Variants in CYP2C19 observed in about 807,000 individuals in gnomAD.
CYP2C19 encodes cytochrome P450 2C19.
CYP2C19 carries 59 observed loss-of-function variants against 40.9 expected under a neutral mutation model. That is an observed-to-expected ratio of 1.44 (90% CI 1.17 to 1.79). The LOEUF (loss-of-function observed/expected upper bound fraction) is 1.79, where lower values mean the gene tolerates loss of function less well. CYP2C19 is among the 40% of genes most tolerant of loss of function. The probability of loss-of-function intolerance (pLI) is 0.00; values close to 1 mark genes in which losing one functional copy is unlikely to be tolerated. For missense variants in CYP2C19, 754 were observed against 596.9 expected (o/e 1.26, Z -2.74); for synonymous variants, 253 against 208.7 (o/e 1.21, Z -1.83).
intron 6 of CYP2C19, among the ~76,000 whole-genome samples, chr10:94,826,205 G>A (rs902929620): frequency 6.6e-6 from 1 of 151,992 alleles, no homozygotes; most frequent in Non-Finnish European, 1.5e-5. Flanking sequence ...AAAGTCATTG[G>A]TAGCTTGATG....
chr10:94,843,612 T>C (rs544219782), intron 7 of CYP2C19, among the ~76,000 whole-genome samples: 3 of 152,352 alleles, frequency 2.0e-5, no homozygotes, highest in Admixed American at 2.0e-4. Context: ...CTGATGACCT[T>C]AATCTATCAA....
chr10:94,830,663 G>C (rs1207052721), intron 6 of CYP2C19, among the ~76,000 whole-genome samples: 1 of 152,056 alleles, frequency 6.6e-6, no homozygotes, highest in East Asian at 1.9e-4. Flanking sequence ...TTCCTATTCA[G>C]CCATCTTTGC....
chr10:94,784,129 G>C (rs371038548), intron 5 of CYP2C19, among the ~76,000 whole-genome samples: 11 of 152,084 alleles, frequency 7.2e-5, no homozygotes, highest in African/African-American at 2.4e-4. Flanking sequence ...TGCGTGTTAT[G>C]GATATATAAA....
chr10:94,829,981 A>T (rs572917181), intron 6 of CYP2C19, among the ~76,000 whole-genome samples: 193 of 152,350 alleles, frequency 1.3e-3, no homozygotes, highest in African/African-American at 4.5e-3. Flanking sequence ...GTCAGGGGTC[A>T]GGGACCCACT....
At chr10:94,766,281 A>G (rs1228659079) in intron 1 of CYP2C19, among the ~76,000 whole-genome samples, 1 of 134,062 alleles carries the variant, frequency 7.5e-6, no homozygotes, top group African/African-American at 3.1e-5. Flanking sequence ...GATAATTAGG[A>G]GCTAGTGGAA....
At chr10:94,807,871 C>A (rs370078727) in intron 5 of CYP2C19, among the ~76,000 whole-genome samples, 2 of 151,808 alleles carry the variant, frequency 1.3e-5, no homozygotes, top group East Asian at 3.9e-4. Flanking sequence ...TTTTCTTTGC[C>A]CTGCAGAAGT....
At chr10:94,764,493 T>C (rs963461928) in intron 1 of CYP2C19, among the ~76,000 whole-genome samples, 1 of 152,164 alleles carries the variant, frequency 6.6e-6, no homozygotes, top group Non-Finnish European at 1.5e-5. Flanking sequence ...AGTCCCTACC[T>C]GACCCAGAAG....
intron 5 of CYP2C19, among the ~76,000 whole-genome samples, chr10:94,816,000 T>G (rs998085003): frequency 1.3e-5 from 2 of 152,194 alleles, no homozygotes; most frequent in Non-Finnish European, 2.9e-5. Context: ...TAATAGTAAC[T>G]TTAACAGAAA....
intron 6 of CYP2C19, among the ~76,000 whole-genome samples, chr10:94,840,229 T>C (rs1849471350): frequency 7.5e-6 from 1 of 133,166 alleles, no homozygotes. Flanking sequence ...TGGGGCACAC[T>C]TTTTTTTTTT....
chr10:94,854,741 C>T lies in CYP2C19; in HGVS notation c.*1827C>T, dbSNP rs1293063632. On this transcript the variant is annotated 3_prime_UTR_variant, in exon 9 of 9. Transcript: ENST00000371321. ...AAATGTTTATTTACAATATTGGGCTCATATCACACATCTTGTATTAAAACT... is the reference window on the plus strand; with the variant it reads ...AAATGTTTATTTACAATATTGGGCTTATATCACACATCTTGTATTAAAACT... Among the ~76,000 whole-genome samples, 2 of 152,048 alleles carry T rather than the reference C, an allele frequency of 1.3e-5. No homozygotes were observed. Among genetic ancestry groups the T allele is most frequent in the African/African-American group, 4.8e-5 (2 of 41,384 alleles).
intron 5 of CYP2C19, among the ~76,000 whole-genome samples, chr10:94,796,014 T>A (rs762410395): frequency 1.3e-5 from 2 of 152,222 alleles, no homozygotes; most frequent in African/African-American, 4.8e-5. Context: ...TAGATCCCAT[T>A]TGTCAATTTT....
chr10:94,849,575 C>G (rs1425222367), intron 7 of CYP2C19, among the ~76,000 whole-genome samples: 1 of 150,954 alleles, frequency 6.6e-6, no homozygotes, highest in African/African-American at 2.4e-5. Flanking sequence ...TGGTGTGCTG[C>G]ACCCATTAAC....
In CYP2C19 at chr10:94,853,124, GC is replaced by G; in HGVS notation, c.*212del. ...ATACTCTATAATAGTTACATTGAGT[GC>G]CACATAATGCTGATACTTGTCTAAT... is the stretch of plus-strand genomic sequence containing the variant. On this transcript the variant is annotated 3_prime_UTR_variant, in exon 9 of 9. Coordinates refer to ENST00000371321, the MANE Select transcript of CYP2C19 (RefSeq NM_000769.4). The G allele has an allele frequency of 1.8e-6, 1 of 567,454 alleles. No homozygotes were observed. Among genetic ancestry groups the G allele is most frequent in the South Asian group, 2.3e-5 (1 of 42,608 alleles). 35.2% of individuals were successfully genotyped at this position (567,454 alleles called of 1,614,324 possible).
intron 3 of CYP2C19, among the ~76,000 whole-genome samples, chr10:94,778,871 C>G (rs1848445352): frequency 2.0e-5 from 3 of 152,134 alleles, no homozygotes; most frequent in African/African-American, 7.2e-5. Context: ...CCCAAATGCC[C>G]ATCAATGACA....
rs537780590 is a variant in CYP2C19, at chr10:94,854,708, A to G, written c.*1794A>G. On this transcript the variant is annotated 3_prime_UTR_variant, in exon 9 of 9. Coordinates refer to ENST00000371321, the MANE Select transcript of CYP2C19 (RefSeq NM_000769.4). Reference sequence around the variant, plus strand: ...ATGTATAACTTATGCACACATACATATAGGGTTAAATGTTTATTTACAATA... The same window carrying G: ...ATGTATAACTTATGCACACATACATGTAGGGTTAAATGTTTATTTACAATA... Among the ~76,000 whole-genome samples the G allele has an allele frequency of 2.5e-4, 38 of 152,116 alleles. No homozygotes were observed. Among genetic ancestry groups the G allele is most frequent in the Non-Finnish European group, 5.1e-4 (35 of 68,030 alleles).
At chr10:94,829,927 G>A (rs896522491) in intron 6 of CYP2C19, among the ~76,000 whole-genome samples, 3 of 152,222 alleles carry the variant, frequency 2.0e-5, no homozygotes, top group Non-Finnish European at 2.9e-5. Flanking sequence ...TGAGGTGTCA[G>A]TGTGCCCCTG....
chr10:94,814,163 A>G (rs1199119389), intron 5 of CYP2C19, among the ~76,000 whole-genome samples: 1 of 150,896 alleles, frequency 6.6e-6, no homozygotes, highest in Non-Finnish European at 1.5e-5. Flanking sequence ...TCAGTTGGAA[A>G]TGCAGAAATC....
At chr10:94,825,005 C>T (rs530345134) in intron 6 of CYP2C19, among the ~76,000 whole-genome samples, 2,848 of 134,738 alleles carry the variant, frequency 0.021, 112 homozygotes, top group African/African-American at 0.075. Context: ...TTTATGGCTG[C>T]ATAGTATTCC....
At chr10:94,800,674 C>T (rs1004683198) in intron 5 of CYP2C19, among the ~76,000 whole-genome samples, 2 of 152,192 alleles carry the variant, frequency 1.3e-5, no homozygotes, top group African/African-American at 2.4e-5. Context: ...TGGGCTCCAC[C>T]CAGTTCAAGC....
Sources: gnomAD v4.1 joint callset for allele counts (sites outside exome capture counted in the v4.1 genomes callset) on GRCh38, gnomAD v4.1.1 for gene constraint, MANE v1.5 for transcripts, NCBI Gene and HGNC (gene_info 2026-07-23, HGNC 2026-07-21) for gene names.